ERC2: variants seen among roughly 807,000 people sequenced by gnomAD.
ERC2 encodes the protein ERC protein 2.
A neutral mutation model predicts 114.8 loss-of-function variants in ERC2; 42 were observed. The observed-to-expected ratio is 0.37, with a 90% CI of 0.29 to 0.47. The LOEUF (loss-of-function observed/expected upper bound fraction) is 0.47. Ranked by LOEUF, ERC2 falls within the 20% of genes least tolerant of loss-of-function variation. The pLI, the probability that ERC2 is intolerant of heterozygous loss-of-function variation, is 0.99. For synonymous variants in ERC2, 454 were observed against 425.5 expected, an observed-to-expected ratio of 1.07 and a Z score of -0.82; for missense variants, 939 against 1,150.7, an observed-to-expected ratio of 0.82 and a Z score of 2.66.
intron 14 of ERC2, among the ~76,000 whole-genome samples, chr3:55,877,591 A>G (rs1451524962): frequency 2.0e-5 from 3 of 149,318 alleles, no homozygotes; most frequent in African/African-American, 7.4e-5. Flanking sequence ...AGTTCACTGC[A>G]GCCTCAACCT....
At chr3:55,546,066 T>C (rs552831792) in intron 17 of ERC2, among the ~76,000 whole-genome samples, 55 of 152,308 alleles carry the variant, frequency 3.6e-4, no homozygotes, top group African/African-American at 1.3e-3. Context: ...CATCCTGACC[T>C]ATGCAGTATG....
In ERC2 at chr3:55,893,876, G is replaced by A. The variant is rs143139140; in HGVS notation, c.2404-5327C>T. Among the ~76,000 whole-genome samples, 681 of 152,244 alleles carry A rather than the reference G, an allele frequency of 4.5e-3. 6 individuals are homozygous for A. Among genetic ancestry groups the A allele is most frequent in the African/African-American group, 0.015 (644 of 41,550 alleles). On this transcript the variant is annotated intron_variant, in intron 13 of 17. Transcript: ENST00000288221. ...CACATGTGTGTGCATATGCTCATGTGTGTATCCCTAGCCTCTGACTCTACT... is the reference window on the plus strand; with the variant it reads ...CACATGTGTGTGCATATGCTCATGTATGTATCCCTAGCCTCTGACTCTACT...
chr3:55,674,010 C>A (rs2061676241), intron 17 of ERC2, among the ~76,000 whole-genome samples: 2 of 152,060 alleles, frequency 1.3e-5, no homozygotes, highest in Non-Finnish European at 2.9e-5. Context: ...AAGCCTCATG[C>A]CACTGCCAAG....
intron 17 of ERC2, among the ~76,000 whole-genome samples, chr3:55,672,629 A>G (rs1010789597): frequency 6.6e-6 from 1 of 152,204 alleles, no homozygotes; most frequent in African/African-American, 2.4e-5. Flanking sequence ...GTGCTATGTG[A>G]GTGAGACAGA....
chr3:55,655,947 A>G (rs1236042538), intron 17 of ERC2, among the ~76,000 whole-genome samples: 4 of 152,090 alleles, frequency 2.6e-5, no homozygotes, highest in Non-Finnish European at 5.9e-5. Flanking sequence ...TTCATGTTTT[A>G]TCTGAGGAAA....
At chr3:55,787,240 A>C (rs745790863) in intron 14 of ERC2, among the ~76,000 whole-genome samples, 4 of 151,920 alleles carry the variant, frequency 2.6e-5, no homozygotes, top group Non-Finnish European at 5.9e-5. Context: ...ATATGGTGAA[A>C]CCCTGTCTCT....
intron 17 of ERC2, among the ~76,000 whole-genome samples, chr3:55,601,106 G>A (rs1183930804): frequency 6.6e-6 from 1 of 152,264 alleles, no homozygotes; most frequent in Non-Finnish European, 1.5e-5. Flanking sequence ...TTGGTGACCA[G>A]TAAACTGGAG....
At chr3:55,520,062 A>AG (rs1258645869) in intron 17 of ERC2, among the ~76,000 whole-genome samples, 2 of 150,828 alleles carry the variant, frequency 1.3e-5, no homozygotes, top group Non-Finnish European at 3.0e-5. Flanking sequence ...CTCCAAAAAA[A>AG]AAGGAAAAAA....
intron 3 of ERC2, among the ~76,000 whole-genome samples, chr3:56,212,476 T>G (rs956800378): frequency 6.6e-6 from 1 of 152,112 alleles, no homozygotes; most frequent in Non-Finnish European, 1.5e-5. Context: ...GTGGACGTGG[T>G]AAAAAAGGAA....
intron 2 of ERC2, among the ~76,000 whole-genome samples, chr3:56,339,177 G>A (rs990730770): frequency 3.3e-5 from 5 of 152,238 alleles, no homozygotes; most frequent in East Asian, 1.9e-4. Context: ...TAAGGGAGCC[G>A]CAATTGAATC....
chr3:55,687,835 G>C (rs957707498), intron 16 of ERC2, among the ~76,000 whole-genome samples: 1 of 152,210 alleles, frequency 6.6e-6, no homozygotes, highest in Non-Finnish European at 1.5e-5. Context: ...CCAACTGCAG[G>C]CTTGGCCAGA....
At chr3:56,256,469 G>A (rs948987408) in intron 3 of ERC2, among the ~76,000 whole-genome samples, 9 of 152,038 alleles carry the variant, frequency 5.9e-5, no homozygotes, top group South Asian at 2.1e-4. Context: ...TTAACATGTC[G>A]AGAGAGTTTG....
At chr3:55,517,882 TAGA>T (rs1431047065) in intron 17 of ERC2, among the ~76,000 whole-genome samples, 47 of 152,360 alleles carry the variant, frequency 3.1e-4, no homozygotes, top group African/African-American at 1.1e-3. Context: ...ATTGGTTGAG[TAGA>T]AATGTATTTG....
At chr3:55,574,093 T>G (rs1476283527) in intron 17 of ERC2, among the ~76,000 whole-genome samples, 1 of 152,200 alleles carries the variant, frequency 6.6e-6, no homozygotes, top group Non-Finnish European at 1.5e-5. Flanking sequence ...TGTCAAGTTT[T>G]TTCAAAGGCC....
intron 17 of ERC2, among the ~76,000 whole-genome samples, chr3:55,656,356 C>A (rs2060866166): frequency 6.6e-6 from 1 of 152,110 alleles, no homozygotes; most frequent in South Asian, 2.1e-4. Context: ...GGGAGTCTCA[C>A]TATGTTGCCC....
chr3:55,703,932 C>T (rs1447384078), intron 15 of ERC2, among the ~76,000 whole-genome samples: 1 of 152,170 alleles, frequency 6.6e-6, no homozygotes, highest in Non-Finnish European at 1.5e-5. Context: ...TAATTGGACC[C>T]AGTGCAATAC....
chr3:56,089,342 T>G (rs974050810), intron 6 of ERC2, among the ~76,000 whole-genome samples: 4 of 152,200 alleles, frequency 2.6e-5, no homozygotes, highest in Non-Finnish European at 4.4e-5. Context: ...CTAGAAATGT[T>G]GCACAGGCAT....
intron 2 of ERC2, among the ~76,000 whole-genome samples, chr3:56,309,108 G>A (rs1354033160): frequency 6.6e-6 from 1 of 152,222 alleles, no homozygotes; most frequent in Non-Finnish European, 1.5e-5. Context: ...TGGTGGAAGA[G>A]TTGGCCTGCT....
intron 3 of ERC2, among the ~76,000 whole-genome samples, chr3:56,234,405 C>T (rs184432966): frequency 5.9e-5 from 9 of 152,254 alleles, no homozygotes; most frequent in African/African-American, 2.2e-4. Flanking sequence ...AATTGGAGAG[C>T]TGGGAATTTA....
Sources: gnomAD v4.1 joint callset for allele counts (sites outside exome capture counted in the v4.1 genomes callset) on GRCh38, gnomAD v4.1.1 for gene constraint, MANE v1.5 for transcripts, NCBI Gene and HGNC (gene_info 2026-07-23, HGNC 2026-07-21) for gene names.